Variants in ADGRE5 observed in about 807,000 individuals in gnomAD.
The protein encoded by ADGRE5 is adhesion G protein-coupled receptor E5.
Under a neutral mutation model 100.3 loss-of-function variants are expected in ADGRE5, and 72 were observed. The ratio of observed to expected loss-of-function variants is 0.72; its 90% CI spans 0.59 to 0.87. ADGRE5 has a LOEUF of 0.87. Ranked by LOEUF, ADGRE5 falls within the 40% of genes least tolerant of loss-of-function variation. ADGRE5 has a pLI of 0.00. For missense variants in ADGRE5, 959 were observed against 1,094.7 expected (o/e 0.88, Z 1.75); for synonymous variants, 439 against 447.8 (o/e 0.98, Z 0.25).
In ADGRE5 at chr19:14,406,637, GCCGC is replaced by G. The variant is rs1361162693; in HGVS notation, c.2049-60_2049-57del. ...CAGGCAGTGCCACACACAATGTCCG[GCCGC>G]CCTCCGTTCCGCTCCTGGCTTCCTG... On this transcript the variant is annotated intron_variant, in intron 15 of 19. Coordinates refer to ENST00000242786, the MANE Select transcript of ADGRE5 (RefSeq NM_078481.4). The surrounding 1 kb of genome is among the most constrained non-coding windows in gnomAD (Gnocchi z 6.0). The G allele has an allele frequency of 6.2e-7, 1 of 1,603,644 alleles. No homozygotes were observed. Among genetic ancestry groups the G allele is most frequent in the Admixed American group, 1.7e-5 (1 of 59,972 alleles).
chr19:14,400,980 C>T (rs934677465), intron 9 of ADGRE5, among the ~76,000 whole-genome samples: 5 of 151,892 alleles, frequency 3.3e-5, no homozygotes, highest in African/African-American at 1.2e-4. Flanking sequence ...AAAAATTAGC[C>T]GGGTGTGGTG....
Position 14,408,226 on chromosome 19 carries a change from C to A in ADGRE5, c.*105C>A. 1 of 1,277,526 alleles carries A rather than the reference C, an allele frequency of 7.8e-7. No homozygotes were observed. Among genetic ancestry groups the A allele is most frequent in the Non-Finnish European group, 1.1e-6 (1 of 895,336 alleles). The allele number at this position is 1,277,526 out of a possible 1,614,324, so 79.1% of individuals were successfully genotyped here. A position where few individuals can be genotyped will look rare whatever the true frequency, so the allele number is the denominator to read the frequency against. On this transcript the variant is annotated 3_prime_UTR_variant, in exon 20 of 20. Transcript: ENST00000242786. Reference sequence around the variant, plus strand: ...TCCACCACTCTACTCCCTCCACCCTCCCTCCCTGATCCCGTGTGCCACCAG... The same window carrying A: ...TCCACCACTCTACTCCCTCCACCCTACCTCCCTGATCCCGTGTGCCACCAG...
intron 1 of ADGRE5, among the ~76,000 whole-genome samples, chr19:14,385,175 T>TA (rs903022811): frequency 6.6e-6 from 1 of 151,290 alleles, no homozygotes; most frequent in Non-Finnish European, 1.5e-5. Flanking sequence ...CATGCCCGGC[T>TA]AATTTTTTGT....
chr19:14,389,319 AT>A (rs1279865424), intron 3 of ADGRE5, among the ~76,000 whole-genome samples: 49 of 1,236 alleles, frequency 0.04, no homozygotes, highest in South Asian at 0.071. Context: ...GGGGAGGGGG[AT>A]GGGGGAGGGA....
chr19:14,406,253 C>A lies in ADGRE5; in HGVS notation c.1822-78C>A. The A allele has an allele frequency of 8.5e-7, 1 of 1,181,754 alleles. No homozygotes were observed. Among genetic ancestry groups the A allele is most frequent in the South Asian group, 1.5e-5 (1 of 67,200 alleles). The allele number at this position is 1,181,754 out of a possible 1,614,324, so 73.2% of individuals were successfully genotyped here. On this transcript the variant is annotated intron_variant, in intron 14 of 19. Coordinates refer to ENST00000242786, the MANE Select transcript of ADGRE5 (RefSeq NM_078481.4). The surrounding 1 kb of genome is among the most constrained non-coding windows in gnomAD (Gnocchi z 6.0). ...CTGTGGTCCCGCCCACTCTCGGGAC[C>A]TGGCAGGCGACTGGCTCTGGCGCCG...
chr19:14,406,973 G>A lies in ADGRE5; in HGVS notation c.2207+13G>A, dbSNP rs753891512. The stretch of plus-strand genomic sequence containing the variant: ...TAAAGAAGGCGAGGTGAGAGGAGAG[G>A]CTGGAAGGACTTGGAGGCGGGGCCG... On this transcript the variant is annotated intron_variant, in intron 17 of 19. Coordinates refer to ENST00000242786, the MANE Select transcript of ADGRE5 (RefSeq NM_078481.4). The surrounding 1 kb of genome is among the most constrained non-coding windows in gnomAD (Gnocchi z 6.0). 1.1e-5 allele frequency: 17 copies of A among 1,613,906 alleles called. No individual in the cohort carries two copies. Among genetic ancestry groups the A allele is most frequent in the Non-Finnish European group, 1.4e-5 (17 of 1,179,872 alleles).
chr19:14,406,432 G>A lies in ADGRE5; in HGVS notation c.1923G>A (p.Val641=). The A allele has an allele frequency of 6.3e-7, 1 of 1,588,062 alleles. No individual in the cohort carries two copies. The highest frequency in any genetic ancestry group is 8.6e-7 in the Non-Finnish European group (1 of 1,167,548). The change falls in exon 15 of 20, where the codon GTG becomes GTA. Residue 641 remains valine (V), a synonymous_variant. Transcript: ENST00000242786. This position sits in a 1 kb window ranked among gnomAD's most constrained non-coding sequence, Gnocchi z 6.0. ...SLEGLELYFL[V]VRVFQGQGLS... is the part of the protein sequence containing the mutation. ...AAGGCCTGGAGCTCTACTTTCTTGT[G>A]GTGCGCGTGTTCCAAGGCCAGGGCC...
chr19:14,396,172 C>T, intron 4 of ADGRE5, 170 bp from the exon 5 acceptor site: 1 of 1,229,464 alleles, frequency 8.1e-7, no homozygotes, highest in Non-Finnish European at 1.1e-6. Context: ...ATCTGGACAA[C>T]AGAAGGACTG....
At position 14,401,435 on chromosome 19, in the gene ADGRE5, A is replaced by G. The variant is rs760469641; in HGVS notation, c.947A>G (p.Glu316Gly). 10 of 1,614,176 alleles carry G rather than the reference A, an allele frequency of 6.2e-6. No individual in the cohort carries two copies. The highest frequency in any genetic ancestry group is 8.5e-6 in the Non-Finnish European group (10 of 1,180,026). ...CTGATGGAAGCTCCTGGAGACGTAG[A>G]GGCCCTGGCGCCACCTGTCCGGCAC... ...DELMEAPGDV[E>G]ALAPPVRHLI... The change falls in exon 10 of 20, where the codon GAG (glutamate) becomes GGG (glycine). Residue 316 changes from glutamate to glycine, a missense_variant. Glu to Gly is a moderately conservative substitution (Grantham distance 98). This residue lies in a region of ADGRE5 where 246 missense variants were observed against 242.2 expected (regional missense o/e 1.02). Coordinates refer to ENST00000242786, the MANE Select transcript of ADGRE5 (RefSeq NM_078481.4). This position sits in a 1 kb window ranked among gnomAD's most constrained non-coding sequence, Gnocchi z 4.1.
intron 1 of ADGRE5, among the ~76,000 whole-genome samples, chr19:14,386,239 C>CGTG (rs754390399): frequency 6.6e-4 from 100 of 150,762 alleles, no homozygotes; most frequent in Non-Finnish European, 1.1e-3. Flanking sequence ...GTTAGCCAGG[C>CGTG]GTGGTGGTGG....
At position 14,401,849 on chromosome 19, in the gene ADGRE5, G is replaced by A; in HGVS notation, c.1183+89G>A. On this transcript the variant is annotated intron_variant, in intron 11 of 19. Transcript: ENST00000242786. The surrounding 1 kb of genome is among the most constrained non-coding windows in gnomAD (Gnocchi z 4.1). ...GGGTGAGGTTCAGAATAGAACAACT[G>A]ACTGGGCGCGGTGGCTCACGCCTGC... 1 of 884,700 alleles carries A rather than the reference G, an allele frequency of 1.1e-6. No homozygotes were observed. Among genetic ancestry groups the A allele is most frequent in the Non-Finnish European group, 1.7e-6 (1 of 605,336 alleles). 54.8% of individuals were successfully genotyped at this position (884,700 alleles called of 1,614,324 possible).
Position 14,388,495 on chromosome 19 carries a change from C to G in ADGRE5, c.68C>G (p.Ser23Cys). Residue 23 changes from serine to cysteine, a missense_variant, in exon 2 of 20, where the codon TCC becomes TGC. Around this residue, in one of 6 missense-constraint regions of ADGRE5, gnomAD observed 114 missense variants for 195.7 expected, o/e 0.58. Transcript: ENST00000242786. ...CTGCCGGGAGCTGAAACCCAGGACT[C>G]CAGGGGTGAGTCTGCTGGGAAGCAG... Reference protein sequence around the residue: ...LTLPGAETQDSRGCARWCPQN... With the variant: ...LTLPGAETQDCRGCARWCPQN... 6.3e-7 allele frequency: 1 copy of G among 1,595,868 alleles called. No individual in the cohort carries two copies. The highest frequency in any genetic ancestry group is 2.3e-5 in the East Asian group (1 of 44,378).
chr19:14,406,003 C>A lies in ADGRE5; in HGVS notation c.1821+64C>A. Reference sequence around the variant, plus strand: ...AGGGAGGCCTGGGAGGGGTTAGCCCCGCCCACTCCCGGGGCTCAGTCGGGT... The same window carrying A: ...AGGGAGGCCTGGGAGGGGTTAGCCCAGCCCACTCCCGGGGCTCAGTCGGGT... On this transcript the variant is annotated intron_variant, in intron 14 of 19. Transcript: ENST00000242786. The surrounding 1 kb of genome is among the most constrained non-coding windows in gnomAD (Gnocchi z 6.0). The A allele has an allele frequency of 7.1e-7, 1 of 1,413,644 alleles. No homozygotes were observed. Among genetic ancestry groups the A allele is most frequent in the East Asian group, 2.4e-5 (1 of 41,254 alleles). 87.6% of individuals were successfully genotyped at this position (1,413,644 alleles called of 1,614,324 possible). A position where few individuals can be genotyped will look rare whatever the true frequency, so the allele number is the denominator to read the frequency against.
intron 1 of ADGRE5, among the ~76,000 whole-genome samples, chr19:14,383,653 AACTG>A (rs1298524971): frequency 6.6e-6 from 1 of 152,018 alleles, no homozygotes; most frequent in Non-Finnish European, 1.5e-5. Flanking sequence ...CAATGCAGGA[AACTG>A]ACTACTTAGG....
At chr19:14,385,588 C>G (rs1975318428) in intron 1 of ADGRE5, among the ~76,000 whole-genome samples, 1 of 152,122 alleles carries the variant, frequency 6.6e-6, no homozygotes, top group African/African-American at 2.4e-5. Flanking sequence ...CACGTGCACC[C>G]CAACAGGCGG....
At chr19:14,400,464 A>G (rs574552687) in intron 9 of ADGRE5, among the ~76,000 whole-genome samples, 8 of 152,160 alleles carry the variant, frequency 5.3e-5, no homozygotes, top group Admixed American at 1.3e-4. Flanking sequence ...TCTAATAACT[A>G]CACTTTATAA....
Position 14,401,915 on chromosome 19 carries a change from G to A in ADGRE5, c.1183+155G>A, listed in dbSNP as rs574747902. On this transcript the variant is annotated intron_variant, in intron 11 of 19. Transcript: ENST00000242786. This position sits in a 1 kb window ranked among gnomAD's most constrained non-coding sequence, Gnocchi z 4.1. The stretch of plus-strand genomic sequence containing the variant: ...GGAGGCCCAGGTGGGTAGATCGCTT[G>A]AGCTCAGAAGTTCAAGACCAGCCTG... 1.3e-5 allele frequency among the ~76,000 whole-genome samples: 2 copies of A among 152,274 alleles called. No homozygotes were observed. The highest frequency in any genetic ancestry group is 2.9e-5 in the Non-Finnish European group (2 of 68,014).
intron 13 of ADGRE5, 125 bp downstream of exon 13, chr19:14,404,687 AG>A: frequency 3.3e-6 from 3 of 897,628 alleles, no homozygotes; most frequent in South Asian, 1.6e-5. Flanking sequence ...TGCACAGCCC[AG>A]GTGTCCCCAC....
intron 13 of ADGRE5, chr19:14,405,340 A>G (rs1303866613): frequency 1.8e-5 from 3 of 165,662 alleles, no homozygotes; most frequent in African/African-American, 7.2e-5. Flanking sequence ...GCGGGGTTTC[A>G]CTATGTTGGG....
Sources: gnomAD v4.1 joint callset for allele counts (sites outside exome capture counted in the v4.1 genomes callset) on GRCh38, gnomAD v4.1.1 for gene constraint, gnomAD v4.1.1 regional missense constraint, Gnocchi (gnomAD v3.1) non-coding constraint, MANE v1.5 for transcripts, NCBI Gene and HGNC (gene_info 2026-07-23, HGNC 2026-07-21) for gene names.